LCOR: variants seen among roughly 807,000 people sequenced by gnomAD.
LCOR encodes ligand dependent nuclear receptor corepressor.
Under a neutral mutation model 64.4 loss-of-function variants are expected in LCOR, and 14 were observed. The ratio of observed to expected loss-of-function variants is 0.22; its 90% CI spans 0.14 to 0.34. The LOEUF (loss-of-function observed/expected upper bound fraction) is 0.34, where lower values mean the gene tolerates loss of function less well. LCOR is among the 10% of genes least tolerant of loss of function. LCOR has a pLI of 1.00. For missense variants in LCOR, 1,686 were observed against 1,765.3 expected (o/e 0.96, Z 0.80); for synonymous variants, 643 against 642.5 (o/e 1.00, Z -0.01).
intron 7 of LCOR, chr10:96,956,445 C>T (rs1470330195): frequency 5.1e-6 from 5 of 984,728 alleles, no homozygotes; most frequent in Admixed American, 1.2e-4. Flanking sequence ...CTAAGAAGAA[C>T]AATGAACCTT....
At chr10:96,920,434 GTATATATGTGTA>G (rs1286603603) in intron 4 of LCOR, among the ~76,000 whole-genome samples, 12 of 124,012 alleles carry the variant, frequency 9.7e-5, no homozygotes, top group African/African-American at 1.4e-4. Flanking sequence ...ATATATATGT[GTATATATGTGTA>G]TATATATGTA....
At chr10:96,877,962 A>G (rs1846198545) in intron 2 of LCOR, among the ~76,000 whole-genome samples, 2 of 152,188 alleles carry the variant, frequency 1.3e-5, no homozygotes, top group South Asian at 2.1e-4. Flanking sequence ...TACCTACAAA[A>G]TGTATTACAA....
intron 7 of LCOR, chr10:96,956,818 A>G: frequency 1.0e-6 from 1 of 985,830 alleles, no homozygotes; most frequent in Non-Finnish European, 1.2e-6. Flanking sequence ...GTTTCTTTGT[A>G]TTCTTCAGTC....
chr10:96,854,485 C>G (rs754234315), intron 2 of LCOR, among the ~76,000 whole-genome samples: 1 of 152,120 alleles, frequency 6.6e-6, no homozygotes, highest in African/African-American at 2.4e-5. Flanking sequence ...CGCCACCACA[C>G]CCAGCTAATT....
intron 2 of LCOR, among the ~76,000 whole-genome samples, chr10:96,834,585 G>T (rs1845409001): frequency 6.6e-6 from 1 of 152,314 alleles, no homozygotes; most frequent in East Asian, 1.9e-4. Flanking sequence ...TTTCAGAATT[G>T]TGGGTTAGTA....
chr10:96,842,740 T>G, intron 2 of LCOR, among the ~76,000 whole-genome samples: 1 of 151,806 alleles, frequency 6.6e-6, no homozygotes. Context: ...AAGTGATTCT[T>G]CTGCCTCAGC....
Position 96,982,220 on chromosome 10 carries a change from A to T in LCOR, c.1760A>T (p.Glu587Val), listed in dbSNP as rs1461508529. ...GGTGGAGACGTTTCACCTCGAAAAG[A>T]ACCTCAAGAGCCTGAGGTTTGCCCC... Reference protein sequence around the residue: ...EGGGDVSPRKEPQEPEVCPTK... With the variant: ...EGGGDVSPRKVPQEPEVCPTK... The change falls in exon 8 of 8, where the codon GAA (glutamate) becomes GTA (valine). Residue 587 changes from glutamate to valine, a missense_variant. Coordinates refer to ENST00000421806, the MANE Select transcript of LCOR (RefSeq NM_001346516.2). The T allele has an allele frequency of 1.2e-6, 2 of 1,614,078 alleles. No individual in the cohort carries two copies. Among genetic ancestry groups the T allele is most frequent in the Non-Finnish European group, 1.7e-6 (2 of 1,180,036 alleles).
chr10:96,904,979 T>C (rs1035442036), intron 2 of LCOR, among the ~76,000 whole-genome samples: 3 of 152,214 alleles, frequency 2.0e-5, no homozygotes, highest in Non-Finnish European at 2.9e-5. Context: ...GTTGCAGATA[T>C]GAGCAAAAGA....
rs1046516851 is a variant in LCOR at position 96,868,731 on chromosome 10, A to C, written c.-330+35252A>C. 1.1e-4 allele frequency among the ~76,000 whole-genome samples: 17 copies of C among 152,218 alleles called. 1 individual carries two copies. Among genetic ancestry groups the C allele is most frequent in the Admixed American group, 1.0e-3 (16 of 15,280 alleles). The stretch of plus-strand genomic sequence containing the variant: ...CTATTCTTTCATAGCACTTTTAATG[A>C]TTTTTAATTTTGTATTTATAACCAT... On this transcript the variant is annotated intron_variant, in intron 2 of 7. Coordinates refer to ENST00000421806, the MANE Select transcript of LCOR (RefSeq NM_001346516.2).
intron 2 of LCOR, among the ~76,000 whole-genome samples, chr10:96,872,839 T>C (rs1381596221): frequency 6.6e-6 from 1 of 152,226 alleles, no homozygotes; most frequent in East Asian, 1.9e-4. Flanking sequence ...TTGTATAAGC[T>C]GTTTGGGGTT....
intron 2 of LCOR, among the ~76,000 whole-genome samples, chr10:96,900,446 GA>G (rs1295924019): frequency 6.6e-6 from 1 of 151,204 alleles, no homozygotes; most frequent in African/African-American, 2.4e-5. Context: ...ATGGATAATT[GA>G]AAAAAATTAA....
intron 4 of LCOR, 67 bp downstream of exon 4, chr10:96,907,814 T>G (rs1240691628): frequency 2.3e-6 from 1 of 428,714 alleles, no homozygotes; most frequent in Non-Finnish European, 3.1e-6. Flanking sequence ...TTTAAAACAT[T>G]GTGTTACTTT....
chr10:96,865,408 A>G (rs1845953825), intron 2 of LCOR, among the ~76,000 whole-genome samples: 2 of 152,174 alleles, frequency 1.3e-5, no homozygotes, highest in Admixed American at 6.5e-5. Context: ...AGTTGCTCCC[A>G]TTGGAGAAGC....
At chr10:96,917,749 T>C (rs1213572254) in intron 4 of LCOR, among the ~76,000 whole-genome samples, 2 of 152,130 alleles carry the variant, frequency 1.3e-5, no homozygotes, top group Non-Finnish European at 2.9e-5. Context: ...AAGGAAGAGA[T>C]GTGCGTAGAG....
chr10:96,917,365 C>T (rs953966506), intron 4 of LCOR, among the ~76,000 whole-genome samples: 3 of 152,218 alleles, frequency 2.0e-5, no homozygotes, highest in Admixed American at 6.5e-5. Flanking sequence ...AGCAATTAGA[C>T]TTGTAATCTA....
intron 4 of LCOR, among the ~76,000 whole-genome samples, chr10:96,941,352 A>C: frequency 7.8e-6 from 1 of 128,504 alleles, no homozygotes; most frequent in African/African-American, 3.1e-5. Context: ...ACTTCCCAGT[A>C]GGGGCGGCCG....
intron 4 of LCOR, among the ~76,000 whole-genome samples, chr10:96,923,032 A>G (rs566111985): frequency 2.6e-5 from 4 of 152,374 alleles, no homozygotes; most frequent in Non-Finnish European, 5.9e-5. Context: ...GTAAAAAGCA[A>G]TAATTTAAGC....
At position 96,982,303 on chromosome 10, in the gene LCOR, A is replaced by G. The variant is rs766512281; in HGVS notation, c.1843A>G (p.Ser615Gly). The part of the protein sequence containing the change: ...SPRSEETTAS[S>G]LVWPLPAHLP... ...TAGGTCAGAGGAAACGACAGCCTCC[A>G]GCCTGGTGTGGCCTCTCCCTGCTCA... Residue 615 changes from serine (S) to glycine (G), a missense_variant, in exon 8 of 8, where the codon AGC becomes GGC. Around this residue, in one of 3 missense-constraint regions of LCOR, gnomAD observed 1,293 missense variants for 1,410.4 expected, o/e 0.92. Transcript: ENST00000421806. 3.7e-6 allele frequency: 6 copies of G among 1,614,254 alleles called. No homozygotes were observed. Among genetic ancestry groups the G allele is most frequent in the Admixed American group, 3.3e-5 (2 of 60,036 alleles).
chr10:96,935,854 G>A (rs974095862), intron 4 of LCOR, among the ~76,000 whole-genome samples: 1 of 152,094 alleles, frequency 6.6e-6, no homozygotes, highest in South Asian at 2.1e-4. Context: ...AAACAACAAC[G>A]ACAAAAACAG....
Sources: gnomAD v4.1 joint callset for allele counts (sites outside exome capture counted in the v4.1 genomes callset) on GRCh38, gnomAD v4.1.1 for gene constraint, gnomAD v4.1.1 regional missense constraint, MANE v1.5 for transcripts, NCBI Gene and HGNC (gene_info 2026-07-23, HGNC 2026-07-21) for gene names.